BYSL: variants seen among roughly 807,000 people sequenced by gnomAD.
The protein encoded by BYSL is bystin like, also known as bystin.
Under a neutral mutation model 45.4 loss-of-function variants are expected in BYSL, and 21 were observed. The ratio of observed to expected loss-of-function variants is 0.46; its 90% confidence interval spans 0.33 to 0.67. The LOEUF is 0.67. Among genes scored for constraint, BYSL ranks in the 30% least tolerant of loss-of-function variants. The probability of loss-of-function intolerance (pLI) is 0.02; values close to 1 mark genes in which losing one functional copy is unlikely to be tolerated. For synonymous variants in BYSL, 215 were observed against 231.3 expected (o/e 0.93, Z 0.64); for missense variants, 522 against 578.5 (o/e 0.90, Z 1.00).
Position 41,927,507 on chromosome 6 carries a change from G to A in BYSL, c.402G>A (p.Glu134=), listed in dbSNP as rs762867728. The change falls in exon 2 of 7, where the codon GAG becomes GAA. Residue 134 remains glutamate, a synonymous_variant. Coordinates refer to ENST00000230340, the MANE Select transcript of BYSL (RefSeq NM_004053.4). Reference sequence around the variant, plus strand: ...ACCCTGAGGATGAGCGTGCCATAGAGATGTTCATGAACAAGAACCCTCCTG... The same window carrying A: ...ACCCTGAGGATGAGCGTGCCATAGAAATGTTCATGAACAAGAACCCTCCTG... The part of the protein sequence containing the change: ...VVDPEDERAI[E]MFMNKNPPAR... 1.2e-6 allele frequency: 2 copies of A among 1,614,086 alleles called. No homozygotes were observed. Among genetic ancestry groups the A allele is most frequent in the South Asian group, 1.1e-5 (1 of 91,070 alleles).
chr6:41,931,584 G>A, intron 5 of BYSL, 28 bp downstream of exon 5: 1 of 1,614,066 alleles, frequency 6.2e-7, no homozygotes, highest in Non-Finnish European at 8.5e-7. Context: ...CGGAAGAAAG[G>A]GAAGGGCTGG....
intron 2 of BYSL, 160 bp downstream of exon 2, chr6:41,927,696 T>G (rs1432057456): frequency 1.3e-6 from 1 of 784,964 alleles, no homozygotes; most frequent in Non-Finnish European, 2.0e-6. Flanking sequence ...AAAGGACCAC[T>G]GTGAGTAGGA....
In BYSL at chr6:41,927,620, A is replaced by G. The variant is rs114055150; in HGVS notation, c.431+84A>G. ...TTCCCTGGCAGACTTATGATTCCCT[A>G]CCTTTGGAAAGGGCCCTGGAGTTGC... On this transcript the variant is annotated intron_variant, in intron 2 of 6. Coordinates refer to ENST00000230340, the MANE Select transcript of BYSL (RefSeq NM_004053.4). 1.4e-3 allele frequency: 2,168 copies of G among 1,538,420 alleles called. 26 individuals carry two copies. In the African/African-American group the frequency reaches 0.026, roughly 19 times the overall value.
rs866195599 is a variant in BYSL, at chr6:41,921,751, G to A, written c.189G>A (p.Arg63=). ...RLSRRILQQA[R]QQQEELEAEH... is the part of the protein sequence containing the mutation. ...GCCGACGGATTTTGCAGCAAGCACG[G>A]CAGCAACAGGAGGAACTCGAGGCCG... The change falls in exon 1 of 7, where the codon CGG becomes CGA. Residue 63 remains arginine (R), a synonymous_variant. Transcript: ENST00000230340. 6.2e-7 allele frequency: 1 copy of A among 1,613,488 alleles called. No homozygotes were observed. The highest frequency in any genetic ancestry group is 1.3e-5 in the African/African-American group (1 of 74,896).
Position 41,923,672 on chromosome 6 carries a change from G to C in BYSL, c.268+1842G>C, listed in dbSNP as rs77491476. Among the ~76,000 whole-genome samples the C allele has an allele frequency of 3.9e-3, 592 of 152,218 alleles. 4 individuals are homozygous for C. Among genetic ancestry groups the C allele is most frequent in the African/African-American group, 0.014 (573 of 41,524 alleles). On this transcript the variant is annotated intron_variant, in intron 1 of 6. Transcript: ENST00000230340. ...TGGTCTCAAACTCCTGGGCTCAAAC[G>C]ACCCTCCCTGCCTTGGCCTCCCAAA...
Position 41,930,195 on chromosome 6 carries a change from C to T in BYSL, c.495C>T (p.Val165=), listed in dbSNP as rs1775617666. Reference sequence around the variant, plus strand: ...AGAAGCAGACAGAGGTTGAGACAGTCATGTCAGAGGTGTCGGGCTTCCCTA... The same window carrying T: ...AGAAGCAGACAGAGGTTGAGACAGTTATGTCAGAGGTGTCGGGCTTCCCTA... ...LTEKQTEVET[V]MSEVSGFPMP... Residue 165 remains valine (V), a synonymous_variant, in exon 3 of 7, where the codon GTC becomes GTT. Transcript: ENST00000230340. 6.2e-7 allele frequency: 1 copy of T among 1,614,032 alleles called. No individual in the cohort carries two copies. The highest frequency in any genetic ancestry group is 1.7e-5 in the Admixed American group (1 of 59,992).
upstream of BYSL, chr6:41,916,990 C>T (rs1775331998): frequency 6.2e-7 from 1 of 1,600,988 alleles, no homozygotes; most frequent in Admixed American, 1.7e-5. Context: ...CACGTGTGCT[C>T]ACTGAGCCAT....
the BYSL span, among the ~76,000 whole-genome samples, chr6:41,910,018 A>G: frequency 6.6e-6 from 1 of 152,184 alleles, no homozygotes; most frequent in Admixed American, 6.5e-5. Flanking sequence ...CTATGGAAGC[A>G]GCAAAGGGGA....
At chr6:41,921,256 C>T (rs1373075948), upstream of BYSL, 23 of 637,756 alleles carry the variant, frequency 3.6e-5, no homozygotes, top group Non-Finnish European at 5.3e-5. Context: ...TTTCTAAATC[C>T]AGACATTCCC....
At chr6:41,931,295 T>C in intron 4 of BYSL, 101 bp from the exon 5 acceptor site, 1 of 1,380,342 alleles carries the variant, frequency 7.2e-7, no homozygotes, top group Non-Finnish European at 1.0e-6. Flanking sequence ...TCCCATATTT[T>C]ACTTTAAAAC....
chr6:41,919,771 T>G (rs1038693254), upstream of BYSL, among the ~76,000 whole-genome samples: 1 of 152,180 alleles, frequency 6.6e-6, no homozygotes, highest in Middle Eastern at 3.4e-3. Context: ...TTCTATTTCT[T>G]TAAAAAAAAG....
chr6:41,923,160 G>C (rs968057800), intron 1 of BYSL, among the ~76,000 whole-genome samples: 2 of 150,654 alleles, frequency 1.3e-5, no homozygotes, highest in East Asian at 3.9e-4. Flanking sequence ...TTTTGAGACA[G>C]AGTCTCTCTC....
chr6:41,915,558 C>G, the BYSL span, among the ~76,000 whole-genome samples: 3 of 152,058 alleles, frequency 2.0e-5, no homozygotes, highest in Non-Finnish European at 4.4e-5. Flanking sequence ...GAGGCCGAGG[C>G]GGGTGGATCA....
intron 2 of BYSL, among the ~76,000 whole-genome samples, chr6:41,927,972 G>C (rs1180807835): frequency 6.6e-6 from 1 of 152,114 alleles, no homozygotes; most frequent in Non-Finnish European, 1.5e-5. Context: ...TGTGGAGGCT[G>C]TCCTGTGCAG....
the BYSL span, among the ~76,000 whole-genome samples, chr6:41,913,709 C>A: frequency 6.6e-6 from 1 of 152,100 alleles, no homozygotes. Context: ...ACCAGCCTGG[C>A]CAACATGGTG....
rs1263828322 is a variant in BYSL, at chr6:41,930,234, C to T, written c.534C>T (p.Asp178=). The change falls in exon 3 of 7, where the codon GAC becomes GAT. Residue 178 remains aspartate, a synonymous_variant. Transcript: ENST00000230340. ...EVSGFPMPQL[D]PRVLEVYRGV... is the part of the protein sequence containing the mutation. ...CGGGCTTCCCTATGCCCCAGCTGGA[C>T]CCCCGGGTCCTAGAAGTGTACAGGG... 4.3e-6 allele frequency: 7 copies of T among 1,614,010 alleles called. No individual in the cohort carries two copies. Among genetic ancestry groups the T allele is most frequent in the Admixed American group, 1.7e-5 (1 of 60,000 alleles).
Position 41,932,631 on chromosome 6 carries a change from A to G in BYSL, c.1239A>G (p.Leu413=). The part of the protein sequence containing the change: ...ELLRLQPHPQ[L]SPEIRRELQS... ...TCCGGCTGCAGCCCCATCCACAGCT[A>G]TCGCCCGAAATCAGGCGTGAGCTTC... The change falls in exon 7 of 7, where the codon CTA becomes CTG. Residue 413 remains leucine, a synonymous_variant. Coordinates refer to ENST00000230340, the MANE Select transcript of BYSL (RefSeq NM_004053.4). The surrounding 1 kb of genome is among the most constrained non-coding windows in gnomAD (Gnocchi z 4.7). 8 of 1,614,212 alleles carry G rather than the reference A, an allele frequency of 5.0e-6. No individual in the cohort carries two copies. Among genetic ancestry groups the G allele is most frequent in the Non-Finnish European group, 6.8e-6 (8 of 1,180,040 alleles).
In BYSL at chr6:41,932,900, C is replaced by T; in HGVS notation, c.*194C>T. 1 of 626,702 alleles carries T rather than the reference C, an allele frequency of 1.6e-6. No individual in the cohort carries two copies. The highest frequency in any genetic ancestry group is 2.7e-6 in the Non-Finnish European group (1 of 367,934). The allele number at this position is 626,702 out of a possible 1,614,324, so 38.8% of individuals were successfully genotyped here. A position where few individuals can be genotyped will look rare whatever the true frequency, so the allele number is the denominator to read the frequency against. ...GGCTGGTTCCCTCTTCCATTCTAGG[C>T]CCTTATCCCTGTTTAGTTCTGAGAG... On this transcript the variant is annotated 3_prime_UTR_variant, in exon 7 of 7. Transcript: ENST00000230340. The surrounding 1 kb of genome is among the most constrained non-coding windows in gnomAD (Gnocchi z 4.7).
At position 41,930,713 on chromosome 6, in the gene BYSL, C is replaced by T; in HGVS notation, c.649C>T (p.Leu217Phe). 4 of 1,614,106 alleles carry T rather than the reference C, an allele frequency of 2.5e-6. No homozygotes were observed. Among genetic ancestry groups the T allele is most frequent in the South Asian group, 1.1e-5 (1 of 91,084 alleles). The part of the protein sequence containing the change: ...IPALSNWEQI[L>F]YVTEPEAWTA... Reference sequence around the variant, plus strand: ...TGCACTCTCCAACTGGGAGCAAATCCTCTACGTCACAGAGCCGGAGGCCTG... The same window carrying T: ...TGCACTCTCCAACTGGGAGCAAATCTTCTACGTCACAGAGCCGGAGGCCTG... Residue 217 changes from leucine to phenylalanine, a missense_variant, in exon 4 of 7, where the codon CTC becomes TTC. Transcript: ENST00000230340.
Sources: allele counts gnomAD v4.1 joint callset (sites outside exome capture counted in the v4.1 genomes callset), GRCh38; gene constraint gnomAD v4.1.1; non-coding constraint Gnocchi (gnomAD v3.1); transcripts MANE v1.5; gene names NCBI Gene and HGNC (gene_info 2026-07-23, HGNC 2026-07-21).